Variants in NOVA1 observed in about 807,000 individuals in gnomAD.
The protein encoded by NOVA1 is NOVA alternative splicing regulator 1, also known as RNA-binding protein Nova-1.
A neutral mutation model predicts 38.0 loss-of-function variants in NOVA1; 7 were observed. The ratio of observed to expected loss-of-function variants is 0.18; its 90% CI spans 0.10 to 0.35. The LOEUF (loss-of-function observed/expected upper bound fraction) is 0.35. NOVA1 is among the 10% of genes least tolerant of loss of function. The probability of loss-of-function intolerance (pLI) is 1.00; values close to 1 mark genes in which losing one functional copy is unlikely to be tolerated. For synonymous variants in NOVA1, 270 were observed against 232.5 expected (o/e 1.16, Z -1.47); for missense variants, 460 against 616.0 (o/e 0.75, Z 2.68).
At chr14:26,577,887 A>T (rs1892962178) in intron 2 of NOVA1, among the ~76,000 whole-genome samples, 1 of 152,136 alleles carries the variant, frequency 6.6e-6, no homozygotes, top group South Asian at 2.1e-4. Flanking sequence ...TCCACAATGG[A>T]CACAAACATT....
intron 2 of NOVA1, among the ~76,000 whole-genome samples, chr14:26,510,946 T>A (rs2138451776): frequency 6.6e-6 from 1 of 152,336 alleles, no homozygotes; most frequent in South Asian, 2.1e-4. Context: ...CTGGTTACTG[T>A]TGGTTTAACA....
intron 4 of NOVA1, among the ~76,000 whole-genome samples, chr14:26,458,520 C>G (rs1446345583): frequency 6.6e-6 from 1 of 151,982 alleles, no homozygotes; most frequent in African/African-American, 2.4e-5. Context: ...AAAATTATGT[C>G]CATTGCAGCA....
In NOVA1 at chr14:26,448,741, C is replaced by T; in HGVS notation, c.742G>A (p.Gly248Ser). The T allele has an allele frequency of 6.2e-7, 1 of 1,614,182 alleles. No homozygotes were observed. The highest frequency in any genetic ancestry group is 2.2e-5 in the East Asian group (1 of 44,878). ...IQKIQEDPQS[G>S]SCLNISYANV... ...GCATAACTGATATTGAGACAGCTGCCACTTTGTGGATCCTCTTGTATCTTC... is the reference window on the plus strand; with the variant it reads ...GCATAACTGATATTGAGACAGCTGCTACTTTGTGGATCCTCTTGTATCTTC... Residue 248 changes from glycine (G) to serine (S), a missense_variant, in exon 5 of 5, where the codon GGC becomes AGC. Physicochemically the swap from Gly to Ser is moderately conservative, Grantham distance 56 (BLOSUM62 0). Transcript: ENST00000539517. This position sits in a 1 kb window ranked among gnomAD's most constrained non-coding sequence, Gnocchi z 5.3.
At chr14:26,542,013 T>G (rs1276233635) in intron 2 of NOVA1, among the ~76,000 whole-genome samples, 3 of 151,870 alleles carry the variant, frequency 2.0e-5, no homozygotes, top group Non-Finnish European at 4.4e-5. Context: ...TCACTAAGAT[T>G]CCTAAGCCAA....
At chr14:26,573,787 G>A (rs1892637840) in intron 2 of NOVA1, among the ~76,000 whole-genome samples, 1 of 152,212 alleles carries the variant, frequency 6.6e-6, no homozygotes, top group Admixed American at 6.5e-5. Context: ...GGCACAAAAT[G>A]TAAAGCTAAT....
chr14:26,592,358 A>C (rs959459862), intron 2 of NOVA1, among the ~76,000 whole-genome samples: 1 of 151,522 alleles, frequency 6.6e-6, no homozygotes, highest in African/African-American at 2.4e-5. Context: ...AGTTATAAAA[A>C]GATATATAAG....
intron 2 of NOVA1, among the ~76,000 whole-genome samples, chr14:26,588,196 A>T (rs754142670): frequency 5.0e-4 from 75 of 151,186 alleles, no homozygotes; most frequent in Non-Finnish European, 7.7e-4. Context: ...TAAAAAAAAA[A>T]ACACTACCAT....
At chr14:26,509,585 T>C (rs1465364337) in intron 2 of NOVA1, among the ~76,000 whole-genome samples, 3 of 152,056 alleles carry the variant, frequency 2.0e-5, no homozygotes, top group Non-Finnish European at 4.4e-5. Flanking sequence ...TGTGCCTAGG[T>C]TTAATTAGGC....
chr14:26,448,462 C>T lies in NOVA1; in HGVS notation c.1021G>A (p.Ala341Thr). The T allele has an allele frequency of 6.2e-7, 1 of 1,613,268 alleles. No homozygotes were observed. Among genetic ancestry groups the T allele is most frequent in the Non-Finnish European group, 8.5e-7 (1 of 1,179,896 alleles). Residue 341 changes from alanine (A) to threonine (T), a missense_variant, in exon 5 of 5, where the codon GCA (alanine) becomes ACA (threonine). Transcript: ENST00000539517. This position sits in a 1 kb window ranked among gnomAD's most constrained non-coding sequence, Gnocchi z 5.3. ...TLGLGLSQAA[A>T]TGALAAAAAS... ...GCTGCTGCAGCCAAAGCCCCTGTTG[C>T]TGCTGCTTGACTGAGACCTAAACCT...
chr14:26,466,782 T>C (rs1884177685), intron 4 of NOVA1, among the ~76,000 whole-genome samples: 1 of 151,984 alleles, frequency 6.6e-6, no homozygotes, highest in African/African-American at 2.4e-5. Flanking sequence ...CTTTCAGGAG[T>C]TGAGTTTTCT....
chr14:26,504,816 T>C (rs1275042599), intron 2 of NOVA1, among the ~76,000 whole-genome samples: 1 of 151,798 alleles, frequency 6.6e-6, no homozygotes, highest in Non-Finnish European at 1.5e-5. Context: ...GAAAACAAGC[T>C]AGTTCATGCT....
chr14:26,596,652 A>G, intron 1 of NOVA1: 1 of 1,289,038 alleles, frequency 7.8e-7, no homozygotes. Context: ...GTTAAAACTC[A>G]TCTTCCAAGG....
chr14:26,541,700 A>G (rs993098208), intron 2 of NOVA1, among the ~76,000 whole-genome samples: 1 of 151,460 alleles, frequency 6.6e-6, no homozygotes, highest in African/African-American at 2.4e-5. Flanking sequence ...AGTGGAAAAT[A>G]CAAGAAAAAT....
Position 26,448,402 on chromosome 14 carries a change from A to T in NOVA1, c.1081T>A (p.Leu361Ile), listed in dbSNP as rs777317670. 1.2e-6 allele frequency: 2 copies of T among 1,612,702 alleles called. No homozygotes were observed. Among genetic ancestry groups the T allele is most frequent in the Non-Finnish European group, 1.7e-6 (2 of 1,179,734 alleles). ...GCTTCACTGGCATAGGTGGCCAATA[A>T]ATTGGCTGCTGCTGCTGCTGGGTTG... The part of the protein sequence containing the change: ...SANPAAAAAN[L>I]LATYASEASA... Residue 361 changes from leucine (L) to isoleucine (I), a missense_variant, in exon 5 of 5, where the codon TTA becomes ATA. Physicochemically the swap from Leu to Ile is conservative, Grantham distance 5 (BLOSUM62 2). Coordinates refer to ENST00000539517, the MANE Select transcript of NOVA1 (RefSeq NM_002515.3). This position sits in a 1 kb window ranked among gnomAD's most constrained non-coding sequence, Gnocchi z 5.3.
intron 2 of NOVA1, among the ~76,000 whole-genome samples, chr14:26,500,690 A>T (rs1465745773): frequency 2.0e-5 from 3 of 152,028 alleles, no homozygotes; most frequent in African/African-American, 7.2e-5. Flanking sequence ...TTCTGAACTT[A>T]TCACTTCAAG....
chr14:26,473,431 G>T (rs1205686268), intron 3 of NOVA1, among the ~76,000 whole-genome samples: 1 of 151,496 alleles, frequency 6.6e-6, no homozygotes, highest in Non-Finnish European at 1.5e-5. Flanking sequence ...AGATACACTT[G>T]TATATGGACA....
chr14:26,544,275 T>C (rs1050907751), intron 2 of NOVA1, among the ~76,000 whole-genome samples: 1 of 151,754 alleles, frequency 6.6e-6, no homozygotes, highest in African/African-American at 2.4e-5. Flanking sequence ...ACCAGACAAA[T>C]AAAGTGTCAA....
rs529955056 is a variant in NOVA1, at chr14:26,572,123, C to T, written c.280+23287G>A. ...GAATGGGATGTTATGAAATACACCA[C>T]AATATTATTCTCTGCTACTCTGGTA... On this transcript the variant is annotated intron_variant, in intron 2 of 4. Coordinates refer to ENST00000539517, the MANE Select transcript of NOVA1 (RefSeq NM_002515.3). 2.2e-4 allele frequency among the ~76,000 whole-genome samples: 34 copies of T among 152,160 alleles called. 1 individual carries two copies. The highest frequency in any genetic ancestry group is 6.8e-3 in the Middle Eastern group (2 of 294).
At chr14:26,460,959 A>G (rs1304136086) in intron 4 of NOVA1, among the ~76,000 whole-genome samples, 1 of 152,332 alleles carries the variant, frequency 6.6e-6, no homozygotes, top group African/African-American at 2.4e-5. Flanking sequence ...AAGCAAGAAG[A>G]TAACTACACA....
Sources: gnomAD v4.1 joint callset for allele counts (sites outside exome capture counted in the v4.1 genomes callset) on GRCh38, gnomAD v4.1.1 for gene constraint, Gnocchi (gnomAD v3.1) non-coding constraint, MANE v1.5 for transcripts, NCBI Gene and HGNC (gene_info 2026-07-23, HGNC 2026-07-21) for gene names.